FER: variants seen among roughly 807,000 people sequenced by gnomAD.
The protein encoded by FER is tyrosine-protein kinase Fer.
A neutral mutation model predicts 111.0 loss-of-function variants in FER; 63 were observed. The ratio of observed to expected loss-of-function variants is 0.57; its 90% CI spans 0.46 to 0.70. The LOEUF is 0.70. FER is among the 30% of genes least tolerant of loss of function. The pLI is 0.00. For missense variants in FER, 914 were observed against 954.0 expected, an observed-to-expected ratio of 0.96 and a Z score of 0.55; for synonymous variants, 327 against 313.9, an observed-to-expected ratio of 1.04 and a Z score of -0.44.
Position 109,193,466 on chromosome 5 carries a change from A to C in FER, c.*5891A>C, listed in dbSNP as rs1759518436. 1 of 152,186 alleles carries C rather than the reference A, an allele frequency of 6.6e-6. No homozygotes were observed. The highest frequency in any genetic ancestry group is 1.5e-5 in the Non-Finnish European group (1 of 68,034). 9.4% of individuals were successfully genotyped at this position (152,186 alleles called of 1,614,324 possible). A position where few individuals can be genotyped will look rare whatever the true frequency, so the allele number is the denominator to read the frequency against. On this transcript the variant is annotated 3_prime_UTR_variant, in exon 20 of 20. Transcript: ENST00000281092. The stretch of plus-strand genomic sequence containing the variant: ...ATGAATATTTGGAATTCACTCTAAG[A>C]GATACAAATCCTGAATTTCTAACTA...
chr5:109,036,079 A>G (rs1770353956), intron 13 of FER, among the ~76,000 whole-genome samples: 1 of 152,162 alleles, frequency 6.6e-6, no homozygotes, highest in Admixed American at 6.5e-5. Context: ...CAGTATTGCA[A>G]AAATGTTCTC....
intron 10 of FER, among the ~76,000 whole-genome samples, chr5:108,939,633 C>A (rs993301250): frequency 2.0e-4 from 31 of 152,028 alleles, no homozygotes; most frequent in African/African-American, 7.5e-4. Context: ...TGACTTCTTT[C>A]TAAAATGCAT....
intron 9 of FER, among the ~76,000 whole-genome samples, chr5:108,885,775 C>A (rs901798481): frequency 1.3e-5 from 2 of 151,748 alleles, no homozygotes; most frequent in Non-Finnish European, 2.9e-5. Context: ...ACATTCAGTC[C>A]ATTGCAACAT....
At chr5:108,841,845 A>G in intron 5 of FER, 1 of 428,352 alleles carries the variant, frequency 2.3e-6, no homozygotes, top group South Asian at 1.7e-5. Context: ...GAAGTGATGG[A>G]TGGTTGTGGG....
In FER at chr5:109,180,946, C is replaced by T. The variant is rs539510721; in HGVS notation, c.2203+45C>T. 2.0e-6 allele frequency: 3 copies of T among 1,515,208 alleles called. No homozygotes were observed. In the South Asian group the frequency reaches 3.8e-5, roughly 19 times the overall value. 93.9% of individuals were successfully genotyped at this position (1,515,208 alleles called of 1,614,324 possible). A position where few individuals can be genotyped will look rare whatever the true frequency, so the allele number is the denominator to read the frequency against. ...TTTTTTTAATGGTAAAAATGAACGG[C>T]ATCAGCATAAAACATTCACAAGCAA... On this transcript the variant is annotated intron_variant, in intron 18 of 19. Coordinates refer to ENST00000281092, the MANE Select transcript of FER (RefSeq NM_005246.4).
At chr5:109,150,379 CT>C (rs1754701840) in intron 17 of FER, among the ~76,000 whole-genome samples, 1 of 152,040 alleles carries the variant, frequency 6.6e-6, no homozygotes, top group Non-Finnish European at 1.5e-5. Context: ...TTGTTATTTC[CT>C]TTAGGTTCCA....
At chr5:109,138,279 A>G (rs1264659862) in intron 17 of FER, among the ~76,000 whole-genome samples, 1 of 152,180 alleles carries the variant, frequency 6.6e-6, no homozygotes, top group Non-Finnish European at 1.5e-5. Flanking sequence ...TGTAGTGGGA[A>G]TTATCAAAGA....
chr5:109,165,212 C>T (rs1023459974), intron 17 of FER, among the ~76,000 whole-genome samples: 2 of 152,076 alleles, frequency 1.3e-5, no homozygotes, highest in African/African-American at 4.8e-5. Context: ...TATAAATTGT[C>T]AATCACATGT....
intron 17 of FER, among the ~76,000 whole-genome samples, chr5:109,125,038 T>G (rs1352627994): frequency 7.5e-6 from 1 of 134,168 alleles, no homozygotes; most frequent in African/African-American, 3.0e-5. Flanking sequence ...AGAGTGAGAC[T>G]CTGTCTCAAA....
At chr5:108,830,048 A>G (rs1172181786) in intron 3 of FER, among the ~76,000 whole-genome samples, 1 of 152,224 alleles carries the variant, frequency 6.6e-6, no homozygotes, top group Non-Finnish European at 1.5e-5. Context: ...ATGTTCAGCA[A>G]AGTGAAGAAA....
Position 109,100,618 on chromosome 5 carries a change from A to G in FER, c.2048+99A>G, listed in dbSNP as rs1412139516. ...TAGAAGTCATTTTCTTTCATGAAACATGTCTTTTCTTGTTTTCTGTATTTT... is the reference window on the plus strand; with the variant it reads ...TAGAAGTCATTTTCTTTCATGAAACGTGTCTTTTCTTGTTTTCTGTATTTT... On this transcript the variant is annotated intron_variant, in intron 17 of 19. Coordinates refer to ENST00000281092, the MANE Select transcript of FER (RefSeq NM_005246.4). 13 of 1,221,808 alleles carry G rather than the reference A, an allele frequency of 1.1e-5. 1 individual carries two copies. The highest frequency in any genetic ancestry group is 9.7e-5 in the Admixed American group (4 of 41,286). The allele number at this position is 1,221,808 out of a possible 1,614,324, so 75.7% of individuals were successfully genotyped here.
intron 16 of FER, among the ~76,000 whole-genome samples, chr5:109,062,387 A>G (rs545658264): frequency 1.1e-4 from 17 of 152,220 alleles, no homozygotes; most frequent in African/African-American, 4.1e-4. Context: ...TTAGCTGGGC[A>G]TGGTGGTGTA....
chr5:108,884,295 A>T (rs1156753987), intron 9 of FER, among the ~76,000 whole-genome samples: 1 of 151,944 alleles, frequency 6.6e-6, no homozygotes, highest in African/African-American at 2.4e-5. Flanking sequence ...ACAACTTTTC[A>T]TATATCCTCC....
chr5:108,836,344 A>G (rs1760659705), intron 5 of FER, among the ~76,000 whole-genome samples: 1 of 152,140 alleles, frequency 6.6e-6, no homozygotes, highest in Admixed American at 6.5e-5. Context: ...ATAATTTCTT[A>G]TTAAGTACTT....
chr5:108,851,564 A>C (rs1400547710), intron 5 of FER, among the ~76,000 whole-genome samples: 2 of 152,216 alleles, frequency 1.3e-5, no homozygotes, highest in African/African-American at 4.8e-5. Flanking sequence ...AGTAAAAAAA[A>C]CAAAAACAAA....
intron 16 of FER, among the ~76,000 whole-genome samples, chr5:109,057,005 A>T (rs1372767861): frequency 6.6e-6 from 1 of 152,146 alleles, no homozygotes; most frequent in Non-Finnish European, 1.5e-5. Context: ...TATTTTATCA[A>T]TATATCAATT....
intron 16 of FER, chr5:109,051,924 G>T (rs1772892283): frequency 1.9e-6 from 3 of 1,575,514 alleles, no homozygotes; most frequent in Non-Finnish European, 1.7e-6. Flanking sequence ...CACTCAAGCT[G>T]AATCCATAGA....
intron 8 of FER, among the ~76,000 whole-genome samples, chr5:108,878,871 T>C (rs911578089): frequency 2.6e-5 from 4 of 152,168 alleles, no homozygotes; most frequent in Non-Finnish European, 4.4e-5. Flanking sequence ...AATTCTAGGA[T>C]GTGTAATTAC....
At chr5:108,875,447 G>A (rs996395450) in intron 8 of FER, among the ~76,000 whole-genome samples, 1 of 151,784 alleles carries the variant, frequency 6.6e-6, no homozygotes, top group African/African-American at 2.4e-5. Context: ...AAGCGTTTTT[G>A]TGCTTAATTT....
Sources: gnomAD v4.1 joint callset for allele counts (sites outside exome capture counted in the v4.1 genomes callset) on GRCh38, gnomAD v4.1.1 for gene constraint, MANE v1.5 for transcripts, NCBI Gene and HGNC (gene_info 2026-07-23, HGNC 2026-07-21) for gene names.